The following HMCN2 variants were observed in gnomAD, a reference collection of about 807,000 sequenced individuals.
HMCN2 encodes the protein hemicentin-2.
A neutral mutation model predicts 377.5 loss-of-function variants in HMCN2; 325 were observed. The observed-to-expected ratio is 0.86, with a 90% CI of 0.79 to 0.94. HMCN2 has a LOEUF of 0.94. HMCN2 is among the 40% of genes least tolerant of loss of function. The pLI, the probability that HMCN2 is intolerant of heterozygous loss-of-function variation, is 0.00. For synonymous variants in HMCN2, 2,007 were observed against 2,046.8 expected, an observed-to-expected ratio of 0.98 and a Z score of 0.53; for missense variants, 4,543 against 4,725.3, an observed-to-expected ratio of 0.96 and a Z score of 1.13.
intron 4 of HMCN2, among the ~76,000 whole-genome samples, chr9:130,288,146 G>C (rs138036608): frequency 6.6e-6 from 1 of 152,160 alleles, no homozygotes; most frequent in Non-Finnish European, 1.5e-5. Context: ...TTCCTGCCAG[G>C]GGCAAATCAG....
At chr9:130,313,722 T>C (rs1018134923) in intron 15 of HMCN2, among the ~76,000 whole-genome samples, 97 of 151,398 alleles carry the variant, frequency 6.4e-4, no homozygotes, top group African/African-American at 2.2e-3. Context: ...TTCAGTGCCC[T>C]GAGCTGTGGT....
chr9:130,406,227 G>A lies in HMCN2; in HGVS notation c.12553+59G>A, dbSNP rs1313173726. ...GCCAGGACACCGGGAGGTTAAGAAGGGAGGGCAGGTGGGGAGACCCAACCT... is the reference window on the plus strand; with the variant it reads ...GCCAGGACACCGGGAGGTTAAGAAGAGAGGGCAGGTGGGGAGACCCAACCT... On this transcript the variant is annotated intron_variant, in intron 82 of 97. Transcript: ENST00000683500. The A allele has an allele frequency of 2.4e-6, 3 of 1,268,272 alleles. No homozygotes were observed. In the South Asian group the frequency reaches 3.7e-5, roughly 16 times the overall value. The allele number at this position is 1,268,272 out of a possible 1,614,324, so 78.6% of individuals were successfully genotyped here.
intron 16 of HMCN2, 147 bp from the exon 17 acceptor site, chr9:130,320,207 CCT>C (rs1279209866): frequency 1.3e-5 from 2 of 152,562 alleles, no homozygotes; most frequent in African/African-American, 4.8e-5. Flanking sequence ...TCACCCCTTC[CCT>C]CTCTACCATC....
chr9:130,364,899 C>A lies in HMCN2; in HGVS notation c.6408+10C>A, dbSNP rs1004343260. Reference sequence around the variant, plus strand: ...CAAAGCCTTGCTGCAGGTGTGCAGGCCCCTGGCCAGCCAAGCAGGCCTCCA... The same window carrying A: ...CAAAGCCTTGCTGCAGGTGTGCAGGACCCTGGCCAGCCAAGCAGGCCTCCA... On this transcript the variant is annotated intron_variant, in intron 41 of 97. Coordinates refer to ENST00000683500, the MANE Select transcript of HMCN2 (RefSeq NM_001291815.2). 2.0e-6 allele frequency: 2 copies of A among 985,754 alleles called. No homozygotes were observed. Among genetic ancestry groups the A allele is most frequent in the Non-Finnish European group, 2.4e-6 (2 of 829,888 alleles). 61.1% of individuals were successfully genotyped at this position (985,754 alleles called of 1,614,324 possible). A position where few individuals can be genotyped will look rare whatever the true frequency, so the allele number is the denominator to read the frequency against.
At chr9:130,326,018 G>C (rs969846938) in intron 21 of HMCN2, 48 bp downstream of exon 21, 2 of 152,290 alleles carry the variant, frequency 1.3e-5, no homozygotes, top group African/African-American at 2.4e-5. Context: ...AGTGGCTGTG[G>C]AGACAGAGAG....
At chr9:130,300,438 T>A (rs1247637189) in intron 8 of HMCN2, among the ~76,000 whole-genome samples, 1 of 152,246 alleles carries the variant, frequency 6.6e-6, no homozygotes, top group African/African-American at 2.4e-5. Context: ...GAGTCACCAT[T>A]TGGACACTTT....
rs1355641844 is a variant in HMCN2 at position 130,422,846 on chromosome 9, T to C, written c.13381+120T>C. On this transcript the variant is annotated intron_variant, in intron 87 of 97. Transcript: ENST00000683500. This position sits in a 1 kb window ranked among gnomAD's most constrained non-coding sequence, Gnocchi z 4.2. The stretch of plus-strand genomic sequence containing the variant: ...TGTGCCCCGAGACTTGCTCAAGGCC[T>C]GATGACCAGAGCACGTCTGACCATC... The C allele has an allele frequency of 2.4e-6, 2 of 816,776 alleles. No homozygotes were observed. Among genetic ancestry groups the C allele is most frequent in the Non-Finnish European group, 3.3e-6 (2 of 606,168 alleles). The allele number at this position is 816,776 out of a possible 1,614,324, so 50.6% of individuals were successfully genotyped here.
rs760514581 is a variant in HMCN2, at chr9:130,365,960, G to A, written c.6590G>A (p.Gly2197Asp). ...ACCAGGCTGTCCTGCGAATGCCGGG[G>A]TGTCCCCTTCCCCAAGATCTCCTGG... ...HPTRLSCECR[G>D]VPFPKISWRK... Residue 2197 changes from glycine to aspartate, a missense_variant, in exon 43 of 98, where the codon GGT becomes GAT. By Grantham distance (94) the Gly-to-Asp change is moderately conservative (BLOSUM62 -1). Coordinates refer to ENST00000683500, the MANE Select transcript of HMCN2 (RefSeq NM_001291815.2). 1 of 985,888 alleles carries A rather than the reference G, an allele frequency of 1.0e-6. No individual in the cohort carries two copies. Among genetic ancestry groups the A allele is most frequent in the Non-Finnish European group, 1.2e-6 (1 of 829,952 alleles). The allele number at this position is 985,888 out of a possible 1,614,324, so 61.1% of individuals were successfully genotyped here.
chr9:130,274,304 C>T (rs1272794055), intron 1 of HMCN2, among the ~76,000 whole-genome samples: 2 of 152,192 alleles, frequency 1.3e-5, no homozygotes, highest in African/African-American at 4.8e-5. Flanking sequence ...GATCTGCCCA[C>T]CTCAGCCTCC....
rs1554927733 is a variant in HMCN2 at position 130,286,323 on chromosome 9, AG to A, written c.612+18del. 1 of 470,592 alleles carries A rather than the reference AG, an allele frequency of 2.1e-6. No individual in the cohort carries two copies. Among genetic ancestry groups the A allele is most frequent in the Non-Finnish European group, 4.4e-6 (1 of 226,966 alleles). 29.2% of individuals were successfully genotyped at this position (470,592 alleles called of 1,614,324 possible). ...GCAAGTGACAGAGGTGAGCACTGGG[AG>A]GGGGCACCATCCCGGAGCCCATCAC... On this transcript the variant is annotated intron_variant, in intron 4 of 97. Transcript: ENST00000683500.
At chr9:130,276,757 C>T (rs1278542371) in intron 1 of HMCN2, among the ~76,000 whole-genome samples, 4 of 152,220 alleles carry the variant, frequency 2.6e-5, no homozygotes, top group African/African-American at 9.6e-5. Context: ...CAGGGGCTGT[C>T]TGAATTCTAG....
At chr9:130,336,478 T>C (rs1363007931) in intron 22 of HMCN2, among the ~76,000 whole-genome samples, 2 of 152,312 alleles carry the variant, frequency 1.3e-5, no homozygotes, top group East Asian at 3.9e-4. Flanking sequence ...TGAGCACAAC[T>C]GATGGCTCTA....
chr9:130,266,519 C>G (rs189391520), intron 1 of HMCN2, among the ~76,000 whole-genome samples: 5 of 152,364 alleles, frequency 3.3e-5, no homozygotes, highest in Admixed American at 2.6e-4. Context: ...TGGGACGCTA[C>G]GAGCCTTTGC....
intron 85 of HMCN2, among the ~76,000 whole-genome samples, chr9:130,411,117 A>G (rs148496954): frequency 2.7e-3 from 404 of 152,194 alleles, no homozygotes; most frequent in African/African-American, 9.2e-3. Flanking sequence ...CAACCAGATC[A>G]AAGAAATAGG....
At position 130,266,059 on chromosome 9, in the gene HMCN2, T is replaced by C. The variant is rs782562743; in HGVS notation, c.181T>C (p.Ser61Pro). ...ACTGATGCAGGTGATCGATGGCGCC[T>C]CGCGCATTCTGGAACGCAGTCTGAG... ...DELMQVIDGA[S>P]RILERSLSRR... is the part of the protein sequence containing the mutation. Residue 61 changes from serine (S) to proline (P), a missense_variant, in exon 1 of 98, where the codon TCG (serine) becomes CCG (proline). Physicochemically the swap from Ser to Pro is moderately conservative, Grantham distance 74 (BLOSUM62 -1). This residue lies in a region of HMCN2 where 547 missense variants were observed against 189.9 expected (regional missense o/e 2.88). Transcript: ENST00000683500. The C allele has an allele frequency of 3.0e-5, 14 of 470,718 alleles. No homozygotes were observed. The highest frequency in any genetic ancestry group is 3.5e-5 in the Non-Finnish European group (8 of 227,012). The allele number at this position is 470,718 out of a possible 1,614,324, so 29.2% of individuals were successfully genotyped here.
chr9:130,280,895 G>T (rs1320920656), intron 1 of HMCN2, among the ~76,000 whole-genome samples: 1 of 152,018 alleles, frequency 6.6e-6, no homozygotes, highest in Non-Finnish European at 1.5e-5. Context: ...CATGAGGTCA[G>T]GAGATCGAGA....
intron 1 of HMCN2, among the ~76,000 whole-genome samples, chr9:130,273,794 G>A (rs1231643292): frequency 6.6e-6 from 1 of 152,110 alleles, no homozygotes; most frequent in Non-Finnish European, 1.5e-5. Context: ...CTCCGCGCCC[G>A]GCCATCTTGT....
At chr9:130,340,373 A>C (rs1463018891) in intron 23 of HMCN2, among the ~76,000 whole-genome samples, 1 of 152,242 alleles carries the variant, frequency 6.6e-6, no homozygotes, top group African/African-American at 2.4e-5. Flanking sequence ...TGGCTGGAGC[A>C]GGGTCCCTTG....
intron 95 of HMCN2, 135 bp downstream of exon 95, chr9:130,430,739 A>G: frequency 2.5e-6 from 2 of 809,868 alleles, no homozygotes; most frequent in Non-Finnish European, 1.9e-6. Context: ...GGTGTGGTGG[A>G]TGGTGGCTTC....
Sources: allele counts gnomAD v4.1 joint callset (sites outside exome capture counted in the v4.1 genomes callset), GRCh38; gene constraint gnomAD v4.1.1; regional missense constraint gnomAD v4.1.1; non-coding constraint Gnocchi (gnomAD v3.1); transcripts MANE v1.5; gene names NCBI Gene and HGNC (gene_info 2026-07-23, HGNC 2026-07-21).